Variants in POLR2C observed in about 807,000 individuals in gnomAD.
POLR2C encodes the protein DNA-directed RNA polymerase II subunit RPB3.
In POLR2C, 36 loss-of-function variants were observed where a neutral mutation model predicts 41.7. The observed-to-expected ratio is 0.86, with a 90% CI of 0.66 to 1.14. POLR2C has a LOEUF of 1.14. POLR2C is among the 50% of genes most tolerant of loss of function. The probability of loss-of-function intolerance (pLI) is 0.00; values close to 1 mark genes in which losing one functional copy is unlikely to be tolerated. For synonymous variants in POLR2C, 133 were observed against 137.8 expected (o/e 0.96, Z 0.25); for missense variants, 260 against 350.4 (o/e 0.74, Z 2.06).
intron 4 of POLR2C, among the ~76,000 whole-genome samples, chr16:57,467,030 G>T (rs1024311440): frequency 6.6e-6 from 1 of 152,112 alleles, no homozygotes; most frequent in Non-Finnish European, 1.5e-5. Flanking sequence ...TCAGGAGATC[G>T]AGACCATCCT....
rs535752959 is a variant in POLR2C, at chr16:57,469,824, C to A, written c.439+63C>A. 6 of 1,566,036 alleles carry A rather than the reference C, an allele frequency of 3.8e-6. No individual in the cohort carries two copies. Among genetic ancestry groups the A allele is most frequent in the Admixed American group, 3.3e-5 (2 of 59,860 alleles). On this transcript the variant is annotated intron_variant, in intron 6 of 8. Coordinates refer to ENST00000219252, the MANE Select transcript of POLR2C (RefSeq NM_032940.3). This position sits in a 1 kb window ranked among gnomAD's most constrained non-coding sequence, Gnocchi z 5.8. ...GAAGGAGGGACCAGACACAGCCTCTCGTGCTGCCTGGTCTCCTCGAAAATT... is the reference window on the plus strand; with the variant it reads ...GAAGGAGGGACCAGACACAGCCTCTAGTGCTGCCTGGTCTCCTCGAAAATT...
At chr16:57,470,489 T>C in intron 8 of POLR2C, 135 bp downstream of exon 8, 1 of 668,854 alleles carries the variant, frequency 1.5e-6, no homozygotes, top group Non-Finnish European at 2.6e-6. Context: ...ACTGCTAAAC[T>C]AGACCTGTGG....
intron 8 of POLR2C, 26 bp from the exon 9 acceptor site, chr16:57,470,949 G>A: frequency 6.2e-7 from 1 of 1,610,258 alleles, no homozygotes; most frequent in South Asian, 1.1e-5. Flanking sequence ...GCCTCGCAGT[G>A]CACTCACTGG....
At chr16:57,470,478 G>A in intron 8 of POLR2C, 124 bp downstream of exon 8, 1 of 711,774 alleles carries the variant, frequency 1.4e-6, no homozygotes, top group Non-Finnish European at 2.4e-6. Context: ...AGGGGCTGCT[G>A]ACTGCTAAAC....
At chr16:57,464,993 T>G (rs953592525) in intron 2 of POLR2C, among the ~76,000 whole-genome samples, 8 of 151,900 alleles carry the variant, frequency 5.3e-5, no homozygotes, top group Non-Finnish European at 1.2e-4. Context: ...TGAACAGAGT[T>G]TTGTGAGAGA....
At position 57,469,906 on chromosome 16, in the gene POLR2C, A is replaced by G. The variant is rs1173446993; in HGVS notation, c.440-55A>G. 6.2e-7 allele frequency: 1 copy of G among 1,603,400 alleles called. No homozygotes were observed. Among genetic ancestry groups the G allele is most frequent in the Non-Finnish European group, 8.5e-7 (1 of 1,172,206 alleles). On this transcript the variant is annotated intron_variant, in intron 6 of 8. Coordinates refer to ENST00000219252, the MANE Select transcript of POLR2C (RefSeq NM_032940.3). This position sits in a 1 kb window ranked among gnomAD's most constrained non-coding sequence, Gnocchi z 5.8. ...TCTTGCAGTGGCACTCCAAGTCAGAATTTGGAGAAGCATGTCTCTCCTGGC... is the reference window on the plus strand; with the variant it reads ...TCTTGCAGTGGCACTCCAAGTCAGAGTTTGGAGAAGCATGTCTCTCCTGGC...
In POLR2C at chr16:57,470,190, T is replaced by C. The variant is rs1363076970; in HGVS notation, c.608+61T>C. The C allele has an allele frequency of 9.4e-6, 15 of 1,596,290 alleles. No homozygotes were observed. In the Admixed American group the frequency reaches 2.0e-4, roughly 22 times the overall value. Reference sequence around the variant, plus strand: ...GGTGGGTGTGGCATAGAAATGGCTGTTGTTGACTGAGATGTGGCAGGCTCT... The same window carrying C: ...GGTGGGTGTGGCATAGAAATGGCTGCTGTTGACTGAGATGTGGCAGGCTCT... On this transcript the variant is annotated intron_variant, in intron 7 of 8. Coordinates refer to ENST00000219252, the MANE Select transcript of POLR2C (RefSeq NM_032940.3).
chr16:57,462,797 A>C lies in POLR2C; in HGVS notation c.73A>C (p.Asn25His). The C allele has an allele frequency of 2.5e-6, 4 of 1,608,458 alleles. No homozygotes were observed. Among genetic ancestry groups the C allele is most frequent in the Non-Finnish European group, 3.4e-6 (4 of 1,177,118 alleles). Residue 25 changes from asparagine (N) to histidine (H), a missense_variant, in exon 1 of 9, where the codon AAC becomes CAC. Physicochemically the swap from Asn to His is moderately conservative, Grantham distance 68. Transcript: ENST00000219252. ...TDENVKFIIE[N>H]TDLAVANSIR... ...CGAGAATGTCAAGTTCATCATCGAGAACACCGACCTGGCGTAAGGCTACCG... is the reference window on the plus strand; with the variant it reads ...CGAGAATGTCAAGTTCATCATCGAGCACACCGACCTGGCGTAAGGCTACCG...
chr16:57,465,988 G>C lies in POLR2C; in HGVS notation c.172G>C (p.Val58Leu). The C allele has an allele frequency of 1.2e-6, 2 of 1,605,938 alleles. No individual in the cohort carries two copies. The highest frequency in any genetic ancestry group is 1.7e-6 in the Non-Finnish European group (2 of 1,172,654). Residue 58 changes from valine to leucine, a missense_variant, in exon 3 of 9, where the codon GTT becomes CTT. Physicochemically the swap from Val to Leu is conservative, Grantham distance 32. Transcript: ENST00000219252. Reference sequence around the variant, plus strand: ...GGTTCAGATTGATGCCAATTCCTCAGTTCTTCATGATGAATTCATTGCTCA... The same window carrying C: ...GGTTCAGATTGATGCCAATTCCTCACTTCTTCATGATGAATTCATTGCTCA... The part of the protein sequence containing the change: ...DWVQIDANSS[V>L]LHDEFIAHRL...
In POLR2C at chr16:57,463,065, G is replaced by T. The variant is rs769467678; in HGVS notation, c.123G>T (p.Glu41Asp). 2 of 1,613,552 alleles carry T rather than the reference G, an allele frequency of 1.2e-6. No individual in the cohort carries two copies. The highest frequency in any genetic ancestry group is 2.7e-5 in the African/African-American group (2 of 74,938). ...CGATTCGGAGGGTCTTCATCGCTGA[G>T]GTTCCCATAATAGGTAAGCGACTCC... The part of the protein sequence containing the change: ...ANSIRRVFIA[E>D]VPIIAIDWVQ... Residue 41 changes from glutamate (E) to aspartate (D), a missense_variant, in exon 2 of 9, where the codon GAG becomes GAT. Physicochemically the swap from Glu to Asp is conservative, Grantham distance 45 (BLOSUM62 2). Transcript: ENST00000219252.
At chr16:57,463,452 A>T (rs1318453894) in intron 2 of POLR2C, 1 of 387,144 alleles carries the variant, frequency 2.6e-6, no homozygotes, top group East Asian at 6.4e-5. Context: ...ATAGTGCGTG[A>T]TGCTGAGATT....
Position 57,471,319 on chromosome 16 carries a change from T to G in POLR2C, c.*200T>G, listed in dbSNP as rs574849427. 4 of 560,468 alleles carry G rather than the reference T, an allele frequency of 7.1e-6. No individual in the cohort carries two copies. In the South Asian group the frequency reaches 8.9e-5, roughly 13 times the overall value. 34.7% of individuals were successfully genotyped at this position (560,468 alleles called of 1,614,324 possible). On this transcript the variant is annotated 3_prime_UTR_variant, in exon 9 of 9. Coordinates refer to ENST00000219252, the MANE Select transcript of POLR2C (RefSeq NM_032940.3). ...GTGTTTAGGCAGGATAGGTCTTTAC[T>G]GGCCCTGACTGCTGTTAATAATTGG...
In POLR2C at chr16:57,469,551, G is replaced by C; in HGVS notation, c.388-159G>C. The C allele has an allele frequency of 1.3e-6, 1 of 758,784 alleles. No individual in the cohort carries two copies. 47.0% of individuals were successfully genotyped at this position (758,784 alleles called of 1,614,324 possible). A position where few individuals can be genotyped will look rare whatever the true frequency, so the allele number is the denominator to read the frequency against. ...TTGCCTGAGGCTACCACCACACCCT[G>C]AAGTGGGGGTTGGAGTCCTGGGGGC... On this transcript the variant is annotated intron_variant, in intron 5 of 8. Coordinates refer to ENST00000219252, the MANE Select transcript of POLR2C (RefSeq NM_032940.3). This position sits in a 1 kb window ranked among gnomAD's most constrained non-coding sequence, Gnocchi z 5.8.
chr16:57,466,415 C>T (rs1456386666), intron 4 of POLR2C, among the ~76,000 whole-genome samples, 188 bp downstream of exon 4: 22 of 152,302 alleles, frequency 1.4e-4, no homozygotes, highest in Admixed American at 9.8e-4. Context: ...TTGATTAGCA[C>T]GCAGAACATC....
chr16:57,470,067 G>T lies in POLR2C; in HGVS notation c.546G>T (p.Val182=), dbSNP rs1437517836. The change falls in exon 7 of 9, where the codon GTG becomes GTT. Residue 182 remains valine, a synonymous_variant. Coordinates refer to ENST00000219252, the MANE Select transcript of POLR2C (RefSeq NM_032940.3). ...CCAAGTGGAACCCTACTGCAGGGGT[G>T]GCTTTTGAATACGATCCAGACAATG... ...EHAKWNPTAG[V]AFEYDPDNAL... is the part of the protein sequence containing the mutation. 12 of 1,614,170 alleles carry T rather than the reference G, an allele frequency of 7.4e-6. No homozygotes were observed. The South Asian group carries it at 1.3e-4, about 18-fold the overall frequency.
In POLR2C at chr16:57,463,072, AT is replaced by A; in HGVS notation, c.131del (p.Ile44LysfsTer2). The A allele has an allele frequency of 6.2e-7, 1 of 1,612,258 alleles. No homozygotes were observed. Among genetic ancestry groups the A allele is most frequent in the Non-Finnish European group, 8.5e-7 (1 of 1,178,268 alleles). ...GAGGGTCTTCATCGCTGAGGTTCCC[AT>A]AATAGGTAAGCGACTCCCCTTCCTC... ...IRRVFIAEVP[I>X]IAIDWVQIDA... On this transcript the variant is annotated frameshift_variant, in exon 2 of 9. Transcript: ENST00000219252. LOFTEE classifies it high-confidence loss of function.
intron 4 of POLR2C, among the ~76,000 whole-genome samples, chr16:57,466,819 T>C (rs1241961528): frequency 6.6e-6 from 1 of 152,222 alleles, no homozygotes; most frequent in African/African-American, 2.4e-5. Flanking sequence ...AGCTTAAGGC[T>C]ACTCCCTCTT....
chr16:57,469,719 C>G lies in POLR2C; in HGVS notation c.397C>G (p.Arg133Gly). The change falls in exon 6 of 9, where the codon CGG becomes GGG. Residue 133 changes from arginine (R) to glycine (G), a missense_variant. Transcript: ENST00000219252. This position sits in a 1 kb window ranked among gnomAD's most constrained non-coding sequence, Gnocchi z 5.8. ...GGTGGACTCCCTACAGGTGACATCC[C>G]GGAACCGAGATAATGACCCCAATGA... is the stretch of plus-strand genomic sequence containing the variant. ...NSPRVIPVTSRNRDNDPNDYV... is the reference protein window; with the variant it reads ...NSPRVIPVTSGNRDNDPNDYV... 1 of 1,613,914 alleles carries G rather than the reference C, an allele frequency of 6.2e-7. No individual in the cohort carries two copies. Among genetic ancestry groups the G allele is most frequent in the Non-Finnish European group, 8.5e-7 (1 of 1,179,806 alleles).
chr16:57,470,122 G>T lies in POLR2C; in HGVS notation c.601G>T (p.Glu201Ter), dbSNP rs749585380. ...ALRHTVYPKPEEWPKSEYSEL... is the reference protein window; with the variant it reads ...ALRHTVYPKP ...GAGGCACACAGTGTACCCCAAGCCC[G>T]AGGAATGGTATGTTCCCCTTAGGAG... The change falls in exon 7 of 9, where the codon GAG becomes TAG. Residue 201 changes from glutamate to a stop codon, truncating the protein, a stop_gained. Coordinates refer to ENST00000219252, the MANE Select transcript of POLR2C (RefSeq NM_032940.3). LOFTEE classifies it high-confidence loss of function. 6.2e-7 allele frequency: 1 copy of T among 1,613,404 alleles called. No homozygotes were observed. The highest frequency in any genetic ancestry group is 1.1e-5 in the South Asian group (1 of 91,004).
Sources: allele counts gnomAD v4.1 joint callset (sites outside exome capture counted in the v4.1 genomes callset), GRCh38; gene constraint gnomAD v4.1.1; non-coding constraint Gnocchi (gnomAD v3.1); transcripts MANE v1.5; gene names NCBI Gene and HGNC (gene_info 2026-07-23, HGNC 2026-07-21).